PRH1: variants seen among roughly 807,000 people sequenced by gnomAD.
PRH1 encodes proline rich protein HaeIII subfamily 1.
A neutral mutation model predicts 7.9 loss-of-function variants in PRH1; 7 were observed. The observed-to-expected ratio is 0.89, with a 90% CI of 0.50 to 1.67. The LOEUF is 1.67. Among genes scored for constraint, PRH1 ranks in the 40% most tolerant of loss-of-function variants. The pLI is 0.00. For missense variants in PRH1, 109 were observed against 223.6 expected, an observed-to-expected ratio of 0.49 and a Z score of 3.27; for synonymous variants, 45 against 80.8, an observed-to-expected ratio of 0.56 and a Z score of 2.38.
intron 2 of PRH1, among the ~76,000 whole-genome samples, chr12:10,964,235 A>T (rs1424743395): frequency 1.3e-5 from 2 of 152,208 alleles, no homozygotes; most frequent in African/African-American, 2.4e-5. Flanking sequence ...TAAGTGTTTC[A>T]TATACACATA....
At chr12:11,155,016 T>A (rs4763634) in intron 1 of PRH1, among the ~76,000 whole-genome samples, 1 of 152,024 alleles carries the variant, frequency 6.6e-6, no homozygotes, top group East Asian at 1.9e-4. Context: ...TCACATCTTC[T>A]GCTTAATTGT....
intron 1 of PRH1, among the ~76,000 whole-genome samples, chr12:11,101,002 G>A (rs149690714): frequency 1.4e-4 from 21 of 151,886 alleles, no homozygotes; most frequent in South Asian, 2.1e-4. Flanking sequence ...AATATCCATC[G>A]TACTATAATT....
At chr12:10,980,908 T>A (rs991045644) in intron 1 of PRH1, among the ~76,000 whole-genome samples, 2 of 152,218 alleles carry the variant, frequency 1.3e-5, no homozygotes, top group African/African-American at 4.8e-5. Context: ...CTTCCAAATG[T>A]CAGATTCAAT....
chr12:11,125,602 T>A (rs1946090721), intron 1 of PRH1, among the ~76,000 whole-genome samples: 1 of 152,294 alleles, frequency 6.6e-6, no homozygotes, highest in Non-Finnish European at 1.5e-5. Context: ...CTCACACATG[T>A]GTACACATGC....
In PRH1 at chr12:11,030,168, G is replaced by GA. The variant is rs568648110; in HGVS notation, c.-126+16851dup. Among the ~76,000 whole-genome samples the GA allele has an allele frequency of 9.0e-3, 783 of 87,434 alleles. 5 individuals are homozygous for GA. The highest frequency in any genetic ancestry group is 0.027 in the South Asian group (32 of 1,204). The allele number at this position is 87,434 out of a possible 152,430, so 57.4% of individuals were successfully genotyped here. Reference sequence around the variant, plus strand: ...TTTTGTATAATTTGGCAGTTTGTATGAAAAAAACAGAAAAGAGCATGTTAT... The same window carrying GA: ...TTTTGTATAATTTGGCAGTTTGTATGAAAAAAAACAGAAAAGAGCATGTTAT... On this transcript the variant is annotated intron_variant, in intron 1 of 3. Transcript: ENST00000539853.
chr12:11,055,787 A>G (rs1229356298), intron 1 of PRH1, among the ~76,000 whole-genome samples: 1 of 152,248 alleles, frequency 6.6e-6, no homozygotes, highest in African/African-American at 2.4e-5. Context: ...CATAGATCCT[A>G]CATCAGATGC....
chr12:10,965,120 A>C, intron 2 of PRH1: 2 of 1,389,886 alleles, frequency 1.4e-6, no homozygotes, highest in Non-Finnish European at 2.0e-6. Context: ...TCTTACTCCT[A>C]AACTATATGA....
At chr12:10,948,066 T>C (rs918722873) in intron 2 of PRH1, among the ~76,000 whole-genome samples, 2 of 152,182 alleles carry the variant, frequency 1.3e-5, no homozygotes, top group Non-Finnish European at 2.9e-5. Flanking sequence ...TAACATTCTT[T>C]CTTTTATTTC....
At chr12:11,110,032 T>C (rs1945540937) in intron 1 of PRH1, among the ~76,000 whole-genome samples, 1 of 151,924 alleles carries the variant, frequency 6.6e-6, no homozygotes, top group East Asian at 1.9e-4. Context: ...TACACAAATA[T>C]CAATAGGTGA....
chr12:11,115,083 T>C lies in PRH1; in HGVS notation n.123+56339A>G, dbSNP rs142924183. ...CATTGAATGTAAATGGGCTAAACTC[T>C]CCAATCAAAAGACATAGTCTGGCTA... On this transcript the variant is annotated intron_variant and non_coding_transcript_variant, in intron 1 of 4. Transcript: ENST00000541977. 3.9e-3 allele frequency among the ~76,000 whole-genome samples: 601 copies of C among 152,162 alleles called. 1 individual carries two copies. Among genetic ancestry groups the C allele is most frequent in the African/African-American group, 0.014 (569 of 41,536 alleles).
chr12:10,986,908 T>C lies in PRH1; in HGVS notation c.-125-13187A>G, dbSNP rs774553542. 4 of 1,338,720 alleles carry C rather than the reference T, an allele frequency of 3.0e-6. No individual in the cohort carries two copies. In the South Asian group the frequency reaches 6.5e-5, roughly 22 times the overall value. The allele number at this position is 1,338,720 out of a possible 1,614,324, so 82.9% of individuals were successfully genotyped here. ...AAAATGCAAGCCTAATATCACTGGT[T>C]GTGATTTCTTTAATACTCTGACCTT... On this transcript the variant is annotated intron_variant, in intron 1 of 3. Coordinates refer to the PRH1 transcript ENST00000539853.
chr12:10,898,450 G>A (rs1262800495), intron 2 of PRH1, among the ~76,000 whole-genome samples: 1 of 152,100 alleles, frequency 6.6e-6, no homozygotes, highest in Non-Finnish European at 1.5e-5. Flanking sequence ...GGAAATTCAG[G>A]AAAATATTAT....
At chr12:10,975,859 C>A (rs758513145) in intron 1 of PRH1, among the ~76,000 whole-genome samples, 4 of 151,918 alleles carry the variant, frequency 2.6e-5, no homozygotes, top group African/African-American at 9.7e-5. Context: ...ACTCAATTCA[C>A]GAGAAGACCT....
chr12:11,047,923 G>C (rs1430081231), upstream of PRH1, among the ~76,000 whole-genome samples: 1 of 152,228 alleles, frequency 6.6e-6, no homozygotes, highest in African/African-American at 2.4e-5. Flanking sequence ...TGATAGTTAA[G>C]TACATATATG....
intron 1 of PRH1, among the ~76,000 whole-genome samples, chr12:11,018,819 A>C (rs1229991294): frequency 1.3e-5 from 2 of 152,266 alleles, no homozygotes; most frequent in Non-Finnish European, 2.9e-5. Flanking sequence ...CCATGAGGGC[A>C]TACTTTTGTC....
chr12:11,083,066 C>T (rs2136235761), intron 1 of PRH1, among the ~76,000 whole-genome samples: 1 of 116,126 alleles, frequency 8.6e-6, no homozygotes, highest in South Asian at 2.3e-4. Context: ...CACATGTGTA[C>T]ACATGCATGG....
At chr12:10,897,742 C>T (rs1220185376) in intron 2 of PRH1, among the ~76,000 whole-genome samples, 2 of 152,068 alleles carry the variant, frequency 1.3e-5, no homozygotes, top group African/African-American at 2.4e-5. Flanking sequence ...TTCAAACAAC[C>T]AAATCTTGTG....
chr12:10,992,971 C>T (rs1940015073), intron 1 of PRH1, among the ~76,000 whole-genome samples: 1 of 152,152 alleles, frequency 6.6e-6, no homozygotes, highest in South Asian at 2.1e-4. Context: ...CCGCATTGTC[C>T]AAGGAATAGA....
intron 2 of PRH1, among the ~76,000 whole-genome samples, chr12:10,945,958 G>T (rs138784001): frequency 0.017 from 2,608 of 152,272 alleles, 34 homozygotes; most frequent in Non-Finnish European, 0.03. Context: ...GCAGTCAGAG[G>T]TTAAGGTTAT....
Sources: gnomAD v4.1 joint callset for allele counts (sites outside exome capture counted in the v4.1 genomes callset) on GRCh38, gnomAD v4.1.1 for gene constraint, MANE v1.5 for transcripts, NCBI Gene and HGNC (gene_info 2026-07-23, HGNC 2026-07-21) for gene names.